Variants in THEMIS observed in about 807,000 individuals in gnomAD.
The protein encoded by THEMIS is thymocyte selection associated.
A neutral mutation model predicts 52.6 loss-of-function variants in THEMIS; 37 were observed. The ratio of observed to expected loss-of-function variants is 0.70; its 90% CI spans 0.54 to 0.93. The LOEUF is 0.93. Among genes scored for constraint, THEMIS ranks in the 40% least tolerant of loss-of-function variants. The pLI is 0.00. For synonymous variants in THEMIS, 292 were observed against 272.7 expected (o/e 1.07, Z -0.70); for missense variants, 808 against 763.1 (o/e 1.06, Z -0.69).
At chr6:127,713,335 T>C (rs1306585530) in intron 5 of THEMIS, among the ~76,000 whole-genome samples, 1 of 151,894 alleles carries the variant, frequency 6.6e-6, no homozygotes, top group East Asian at 1.9e-4. Flanking sequence ...CAACTGTTTT[T>C]GCATACAGAA....
intron 4 of THEMIS, among the ~76,000 whole-genome samples, chr6:127,800,549 T>C (rs1396207377): frequency 2.6e-5 from 4 of 152,220 alleles, no homozygotes; most frequent in Non-Finnish European, 5.9e-5. Context: ...ATACTGAGTG[T>C]TAACTTGATT....
At chr6:127,771,274 A>T (rs1776375583) in intron 4 of THEMIS, among the ~76,000 whole-genome samples, 1 of 152,210 alleles carries the variant, frequency 6.6e-6, no homozygotes, top group Non-Finnish European at 1.5e-5. Flanking sequence ...GGACACAAAC[A>T]AATGGAAGAA....
chr6:127,836,937 T>A (rs1310825496), intron 2 of THEMIS, among the ~76,000 whole-genome samples: 2 of 152,136 alleles, frequency 1.3e-5, no homozygotes, highest in African/African-American at 4.8e-5. Context: ...CTCGTGCAAG[T>A]AACTCCTATG....
intron 5 of THEMIS, among the ~76,000 whole-genome samples, chr6:127,715,323 T>C (rs1282650041): frequency 6.6e-6 from 1 of 151,956 alleles, no homozygotes; most frequent in African/African-American, 2.4e-5. Context: ...AATTATACGA[T>C]ATTTTAAATA....
At chr6:127,749,090 C>T (rs957723197) in intron 4 of THEMIS, among the ~76,000 whole-genome samples, 7 of 152,038 alleles carry the variant, frequency 4.6e-5, no homozygotes, top group African/African-American at 9.7e-5. Flanking sequence ...TTTTGTATGC[C>T]AGAATATTGC....
At chr6:127,836,489 T>C (rs2114681677) in intron 2 of THEMIS, among the ~76,000 whole-genome samples, 1 of 152,264 alleles carries the variant, frequency 6.6e-6, no homozygotes, top group East Asian at 1.9e-4. Flanking sequence ...TTACCCATGG[T>C]TATACAAAAC....
intron 3 of THEMIS, among the ~76,000 whole-genome samples, chr6:127,825,056 A>C (rs1312152777): frequency 6.6e-6 from 1 of 152,210 alleles, no homozygotes; most frequent in Non-Finnish European, 1.5e-5. Context: ...GAAATTAAAA[A>C]TATGATAACG....
intron 5 of THEMIS, among the ~76,000 whole-genome samples, chr6:127,711,902 G>A (rs191366451): frequency 6.6e-6 from 1 of 151,918 alleles, no homozygotes; most frequent in Admixed American, 6.6e-5. Flanking sequence ...AACTTAACTG[G>A]CTGTGTATTT....
chr6:127,882,880 C>A (rs1319576286), intron 1 of THEMIS, among the ~76,000 whole-genome samples: 1 of 151,822 alleles, frequency 6.6e-6, no homozygotes, highest in Admixed American at 6.6e-5. Flanking sequence ...AAATTAAATT[C>A]ATTTAGCCAT....
chr6:127,822,077 ACTTT>A (rs1778359817), intron 3 of THEMIS, among the ~76,000 whole-genome samples: 1 of 151,862 alleles, frequency 6.6e-6, no homozygotes. Context: ...TTTGTCATTT[ACTTT>A]CTAAGACTAC....
At chr6:127,854,385 A>C (rs1026131838) in intron 2 of THEMIS, among the ~76,000 whole-genome samples, 14 of 151,750 alleles carry the variant, frequency 9.2e-5, no homozygotes, top group African/African-American at 3.1e-4. Context: ...AAGTCTGCCA[A>C]CCCCTAGTGT....
intron 4 of THEMIS, among the ~76,000 whole-genome samples, chr6:127,757,814 C>G (rs1306197059): frequency 6.6e-6 from 1 of 151,984 alleles, no homozygotes; most frequent in Non-Finnish European, 1.5e-5. Flanking sequence ...CAAGTCAAGT[C>G]ATATAGACAA....
At chr6:127,783,494 A>C (rs1291562315) in intron 4 of THEMIS, among the ~76,000 whole-genome samples, 2 of 152,248 alleles carry the variant, frequency 1.3e-5, no homozygotes, top group Non-Finnish European at 2.9e-5. Flanking sequence ...CATCTGACAA[A>C]GAGCTAATAT....
At chr6:127,771,739 A>C (rs1156327795) in intron 4 of THEMIS, among the ~76,000 whole-genome samples, 1 of 152,172 alleles carries the variant, frequency 6.6e-6, no homozygotes, top group Non-Finnish European at 1.5e-5. Context: ...GTTTAAAACC[A>C]AAGATGGGAT....
At chr6:127,726,011 C>T (rs1774533276) in intron 4 of THEMIS, among the ~76,000 whole-genome samples, 1 of 152,104 alleles carries the variant, frequency 6.6e-6, no homozygotes, top group African/African-American at 2.4e-5. Context: ...GCTCCTCCTC[C>T]CTGGACCATT....
At chr6:127,818,105 A>G (rs930074480) in intron 3 of THEMIS, among the ~76,000 whole-genome samples, 3 of 152,128 alleles carry the variant, frequency 2.0e-5, no homozygotes, top group Non-Finnish European at 4.4e-5. Context: ...CTAATATTCT[A>G]TGTGGGGAAA....
intron 1 of THEMIS, among the ~76,000 whole-genome samples, chr6:127,881,347 T>C (rs1780479121): frequency 6.6e-6 from 1 of 152,014 alleles, no homozygotes; most frequent in South Asian, 2.1e-4. Flanking sequence ...AATTTGAAAA[T>C]CTAGCAGATA....
Position 127,709,665 on chromosome 6 carries a change from A to T in THEMIS, c.*320T>A, listed in dbSNP as rs542901446. 5.5e-4 allele frequency: 127 copies of T among 232,660 alleles called. No homozygotes were observed. The highest frequency in any genetic ancestry group is 2.7e-3 in the African/African-American group (119 of 44,696). 14.4% of individuals were successfully genotyped at this position (232,660 alleles called of 1,614,324 possible). On this transcript the variant is annotated 3_prime_UTR_variant, in exon 6 of 6. Coordinates refer to ENST00000368248, the MANE Select transcript of THEMIS (RefSeq NM_001010923.3). ...GTTTTACTCAGAAACTGAAATACAG[A>T]ATTATTTCCCAATTACTTAGTTGTT... is the stretch of plus-strand genomic sequence containing the variant.
intron 4 of THEMIS, among the ~76,000 whole-genome samples, chr6:127,768,421 C>T (rs1776269083): frequency 6.6e-6 from 1 of 152,120 alleles, no homozygotes; most frequent in South Asian, 2.1e-4. Flanking sequence ...ATTTTTGCTT[C>T]ATCATCAGTT....
Sources: gnomAD v4.1 joint callset for allele counts (sites outside exome capture counted in the v4.1 genomes callset) on GRCh38, gnomAD v4.1.1 for gene constraint, MANE v1.5 for transcripts, NCBI Gene and HGNC (gene_info 2026-07-23, HGNC 2026-07-21) for gene names.